Variants in ADK observed in about 807,000 individuals in gnomAD.
ADK encodes the protein adenosine kinase.
In ADK, 24 loss-of-function variants were observed where a neutral mutation model predicts 44.7. That is an observed-to-expected ratio of 0.54 (90% CI 0.39 to 0.76). ADK has a LOEUF of 0.76. Ranked by LOEUF, ADK falls within the 30% of genes least tolerant of loss-of-function variation. ADK has a pLI of 0.00. For missense variants in ADK, 321 were observed against 425.1 expected, an observed-to-expected ratio of 0.76 and a Z score of 2.15; for synonymous variants, 128 against 142.6, an observed-to-expected ratio of 0.90 and a Z score of 0.73.
At chr10:74,624,031 A>G (rs1314376413) in intron 9 of ADK, among the ~76,000 whole-genome samples, 4 of 152,192 alleles carry the variant, frequency 2.6e-5, no homozygotes, top group African/African-American at 9.6e-5. Flanking sequence ...CTTTGGAAGT[A>G]TAGCTGAAAA....
intron 9 of ADK, among the ~76,000 whole-genome samples, chr10:74,654,556 A>G (rs559792316): frequency 1.3e-5 from 2 of 152,346 alleles, no homozygotes; most frequent in African/African-American, 4.8e-5. Context: ...CATGCCTATA[A>G]TCCCAGCACT....
At chr10:74,602,997 T>G (rs1852193945) in intron 9 of ADK, among the ~76,000 whole-genome samples, 1 of 152,222 alleles carries the variant, frequency 6.6e-6, no homozygotes, top group Admixed American at 6.5e-5. Context: ...GGTGTCATGT[T>G]AAGCCATTTA....
intron 7 of ADK, among the ~76,000 whole-genome samples, chr10:74,540,517 T>A (rs1293775922): frequency 1.3e-5 from 2 of 152,132 alleles, no homozygotes; most frequent in African/African-American, 2.4e-5. Context: ...TGGAGTACAG[T>A]GATGCAATCT....
intron 4 of ADK, among the ~76,000 whole-genome samples, chr10:74,351,195 C>G (rs11516630): frequency 0.48 from 73,662 of 152,020 alleles, 20,249 homozygotes; most frequent in Non-Finnish European, 0.62. Context: ...TGCTGGCAAA[C>G]GAATCCAGCG....
In ADK at chr10:74,600,463, C is replaced by T; in HGVS notation, c.847C>T (p.Gln283Ter). ...GAGGCAGCGAATCGTGATCTTCACC[C>T]AAGGGAGAGATGACACTATAATGGC... ...SKRQRIVIFT[Q>*]GRDDTIMATE... Residue 283 changes from glutamine to a stop codon, truncating the protein, a stop_gained, in exon 9 of 11, where the codon CAA (glutamine) becomes TAA (stop). Transcript: ENST00000539909. LOFTEE classifies it high-confidence loss of function. 1.2e-6 allele frequency: 2 copies of T among 1,609,874 alleles called. No homozygotes were observed. Among genetic ancestry groups the T allele is most frequent in the Non-Finnish European group, 1.7e-6 (2 of 1,177,942 alleles).
intron 7 of ADK, among the ~76,000 whole-genome samples, chr10:74,535,337 C>T (rs560352265): frequency 6.6e-6 from 1 of 152,068 alleles, no homozygotes; most frequent in Non-Finnish European, 1.5e-5. Flanking sequence ...GTGGCACACA[C>T]TTGTATTCCC....
At chr10:74,156,599 C>G (rs2132028801) in intron 1 of ADK, among the ~76,000 whole-genome samples, 1 of 152,234 alleles carries the variant, frequency 6.6e-6, no homozygotes, top group East Asian at 1.9e-4. Context: ...TTTCCTGTGT[C>G]CAAAGTGTTT....
At chr10:74,341,859 A>G (rs913200353) in intron 4 of ADK, among the ~76,000 whole-genome samples, 3 of 152,196 alleles carry the variant, frequency 2.0e-5, no homozygotes, top group Non-Finnish European at 4.4e-5. Context: ...TATTCTGGTT[A>G]GTTATTGCTA....
At chr10:74,235,612 T>C (rs1336020943) in intron 3 of ADK, among the ~76,000 whole-genome samples, 2 of 152,204 alleles carry the variant, frequency 1.3e-5, no homozygotes, top group African/African-American at 2.4e-5. Context: ...CTCACATATA[T>C]GAGTTCTATG....
intron 10 of ADK, among the ~76,000 whole-genome samples, chr10:74,672,292 TTTTG>T (rs1157774314): frequency 2.0e-5 from 3 of 152,192 alleles, no homozygotes; most frequent in African/African-American, 4.8e-5. Flanking sequence ...CTTCCTTGTG[TTTTG>T]TTTTTTTACA....
At chr10:74,244,620 A>T (rs1845345054) in intron 3 of ADK, among the ~76,000 whole-genome samples, 1 of 152,198 alleles carries the variant, frequency 6.6e-6, no homozygotes, top group African/African-American at 2.4e-5. Context: ...GTGTTACCAA[A>T]ATTTGTTTCA....
At chr10:74,306,405 C>T (rs1048940989) in intron 3 of ADK, among the ~76,000 whole-genome samples, 9 of 152,236 alleles carry the variant, frequency 5.9e-5, no homozygotes, top group African/African-American at 2.2e-4. Flanking sequence ...GGTAATCCAG[C>T]CAGAGAACTG....
rs933673756 is a variant in ADK, at chr10:74,655,667, G to A, written c.878-14516G>A. 1.9e-4 allele frequency: 89 copies of A among 461,784 alleles called. No individual in the cohort carries two copies. The Admixed American group carries it at 2.1e-3, about 11-fold the overall frequency. 28.6% of individuals were successfully genotyped at this position (461,784 alleles called of 1,614,324 possible). ...TTCCAGAGCAGCCAGGAAGACCCCC[G>A]GGCCTCCCGAAGGACATATCCGTGG... On this transcript the variant is annotated intron_variant, in intron 9 of 10. Coordinates refer to ENST00000539909, the MANE Select transcript of ADK (RefSeq NM_006721.4).
intron 9 of ADK, among the ~76,000 whole-genome samples, chr10:74,639,844 C>T (rs947335233): frequency 6.6e-6 from 1 of 151,650 alleles, no homozygotes; most frequent in African/African-American, 2.4e-5. Flanking sequence ...GGCGAGCAAG[C>T]GAGACTCCAT....
chr10:74,635,363 C>T (rs111357296), intron 9 of ADK, among the ~76,000 whole-genome samples: 7 of 152,274 alleles, frequency 4.6e-5, no homozygotes, highest in South Asian at 4.2e-4. Flanking sequence ...AGAATTCTAT[C>T]TCCAGCAATA....
At chr10:74,203,318 A>G (rs1051113363) in intron 2 of ADK, among the ~76,000 whole-genome samples, 3 of 151,862 alleles carry the variant, frequency 2.0e-5, no homozygotes, top group Admixed American at 6.6e-5. Context: ...GTCTGTCCTT[A>G]TGCCAGTATG....
intron 3 of ADK, among the ~76,000 whole-genome samples, chr10:74,301,151 A>G (rs1303544532): frequency 1.3e-5 from 2 of 152,240 alleles, no homozygotes; most frequent in African/African-American, 4.8e-5. Context: ...GAGACATTCA[A>G]AGTTGAAATA....
chr10:74,187,493 C>T (rs963034450), intron 1 of ADK, among the ~76,000 whole-genome samples: 2 of 149,800 alleles, frequency 1.3e-5, no homozygotes, highest in Non-Finnish European at 3.0e-5. Context: ...TCAGATTTTA[C>T]ACGCACATAC....
At chr10:74,248,912 G>A (rs1416952235) in intron 3 of ADK, among the ~76,000 whole-genome samples, 1 of 152,098 alleles carries the variant, frequency 6.6e-6, no homozygotes, top group East Asian at 1.9e-4. Context: ...GCAGAGAAAA[G>A]GATGATAAAC....
Sources: allele counts gnomAD v4.1 joint callset (sites outside exome capture counted in the v4.1 genomes callset), GRCh38; gene constraint gnomAD v4.1.1; transcripts MANE v1.5; gene names NCBI Gene and HGNC (gene_info 2026-07-23, HGNC 2026-07-21).